TRIOBP: variants seen among roughly 807,000 people sequenced by gnomAD.
TRIOBP encodes the protein TRIO and F-actin binding protein.
TRIOBP carries 169 observed loss-of-function variants against 238.8 expected under a neutral mutation model. The ratio of observed to expected loss-of-function variants is 0.71; its 90% CI spans 0.62 to 0.80. The LOEUF is 0.80. Ranked by LOEUF, TRIOBP falls within the 30% of genes least tolerant of loss-of-function variation. TRIOBP has a pLI of 0.00. For synonymous variants in TRIOBP, 1,150 were observed against 1,274.4 expected (o/e 0.90, Z 2.08); for missense variants, 2,838 against 3,122.6 (o/e 0.91, Z 2.17).
intron 6 of TRIOBP, 126 bp downstream of exon 6, chr22:37,716,060 A>ACTCAG: frequency 1.1e-6 from 1 of 928,050 alleles, no homozygotes; most frequent in Non-Finnish European, 1.7e-6. Flanking sequence ...TAATAGTAAC[A>ACTCAG]GTTTGCATGT....
At chr22:37,701,521 G>A (rs1419099010) in intron 3 of TRIOBP, 42 bp downstream of exon 3, 1 of 1,442,902 alleles carries the variant, frequency 6.9e-7, no homozygotes, top group South Asian at 1.2e-5. Flanking sequence ...TTGTGATGGG[G>A]GCATGGGTGA....
intron 6 of TRIOBP, among the ~76,000 whole-genome samples, chr22:37,719,989 C>CACACTGCACTCACTGTTTCACTCATCCA (rs367687004): frequency 1.4e-5 from 1 of 71,208 alleles, no homozygotes; most frequent in Non-Finnish European, 2.5e-5. Context: ...TTTCACTCAT[C>CACACTGCACTCACTGTTTCACTCATCCA]CCCCCCCGCC....
intron 6 of TRIOBP, among the ~76,000 whole-genome samples, chr22:37,717,033 G>A (rs1378476284): frequency 6.6e-6 from 1 of 152,156 alleles, no homozygotes; most frequent in South Asian, 2.1e-4. Context: ...AGACCCTCGC[G>A]ATATTACAGT....
At chr22:37,756,126 G>A (rs1351947581) in intron 15 of TRIOBP, among the ~76,000 whole-genome samples, 1 of 152,222 alleles carries the variant, frequency 6.6e-6, no homozygotes, top group Non-Finnish European at 1.5e-5. Flanking sequence ...ATGGCGGGCT[G>A]GGACTTGGAG....
rs1168830952 is a variant in TRIOBP at position 37,746,215 on chromosome 22, G to A, written c.5322+5183G>A. The A allele has an allele frequency of 3.9e-5, 38 of 969,410 alleles. No individual in the cohort carries two copies. In the East Asian group the frequency reaches 4.3e-4, roughly 11 times the overall value. The allele number at this position is 969,410 out of a possible 1,614,324, so 60.1% of individuals were successfully genotyped here. ...CCGCTCGGGTCCTCCCAGGAAGTTT[G>A]AAAAAAAAAAAAAAAAAGTTTTATG... On this transcript the variant is annotated intron_variant, in intron 11 of 23. Transcript: ENST00000644935.
intron 3 of TRIOBP, 47 bp downstream of exon 3, chr22:37,701,526 G>A (rs367552546): frequency 3.1e-5 from 43 of 1,397,686 alleles, no homozygotes; most frequent in Non-Finnish European, 4.2e-5. Flanking sequence ...ATGGGGGCAT[G>A]GGTGAAGGAC....
intron 7 of TRIOBP, among the ~76,000 whole-genome samples, 163 bp from the exon 8 acceptor site, chr22:37,733,135 G>C (rs1924503835): frequency 6.6e-6 from 1 of 152,202 alleles, no homozygotes; most frequent in Non-Finnish European, 1.5e-5. Flanking sequence ...TTTTCAGAAG[G>C]GGAAACTAAG....
intron 22 of TRIOBP, 185 bp downstream of exon 22, chr22:37,771,921 G>A (rs1320239623): frequency 2.8e-6 from 2 of 702,516 alleles, no homozygotes. Context: ...TAAGAAAGGG[G>A]AAGTGACTTC....
intron 11 of TRIOBP, chr22:37,746,206 A>C (rs1349013194): frequency 3.0e-6 from 3 of 1,003,194 alleles, no homozygotes; most frequent in Non-Finnish European, 3.5e-6. Flanking sequence ...GGGTCCTCCC[A>C]GGAAGTTTGA....
At chr22:37,705,500 G>A (rs890539144) in intron 3 of TRIOBP, among the ~76,000 whole-genome samples, 10 of 152,028 alleles carry the variant, frequency 6.6e-5, no homozygotes, top group Non-Finnish European at 1.3e-4. Context: ...GAGAATGGGG[G>A]GAGGCCTGGT....
At chr22:37,763,873 G>A (rs1926359042) in intron 17 of TRIOBP, among the ~76,000 whole-genome samples, 1 of 152,236 alleles carries the variant, frequency 6.6e-6, no homozygotes, top group Admixed American at 6.5e-5. Flanking sequence ...GGCGTGGGCA[G>A]GACTGTGTTC....
intron 9 of TRIOBP, among the ~76,000 whole-genome samples, chr22:37,737,753 T>G (rs568975884): frequency 6.6e-6 from 1 of 152,160 alleles, no homozygotes; most frequent in East Asian, 1.9e-4. Context: ...CTGAGCTGGC[T>G]GCAGGGCCTG....
chr22:37,757,228 T>C (rs889183380), intron 15 of TRIOBP, among the ~76,000 whole-genome samples: 4 of 152,078 alleles, frequency 2.6e-5, no homozygotes, highest in African/African-American at 9.7e-5. Flanking sequence ...CTGGGCGTGG[T>C]GGTGCATGTC....
At position 37,724,626 on chromosome 22, in the gene TRIOBP, C is replaced by T. The variant is rs777670124; in HGVS notation, c.2070C>T (p.Thr690=). 8.1e-6 allele frequency: 13 copies of T among 1,607,734 alleles called. No individual in the cohort carries two copies. The South Asian group carries it at 8.8e-5, about 11-fold the overall frequency. Residue 690 remains threonine, a synonymous_variant, in exon 7 of 24, where the codon ACC becomes ACT. Transcript: ENST00000644935. ...DNPRASSPSR[T]IQQENPRTSC... is the part of the protein sequence containing the mutation. ...CCAGAGCCTCCTCTCCCAGCAGAAC[C>T]ATCCAACAAGAGAACCCCAGAACAT...
chr22:37,755,739 A>G, intron 15 of TRIOBP, 80 bp downstream of exon 15: 1 of 1,209,552 alleles, frequency 8.3e-7, no homozygotes, highest in Non-Finnish European at 1.2e-6. Flanking sequence ...TACTCACCTG[A>G]GGGCTGCACC....
At chr22:37,715,595 G>A (rs891711486) in intron 5 of TRIOBP, among the ~76,000 whole-genome samples, 168 bp from the exon 6 acceptor site, 30 of 150,054 alleles carry the variant, frequency 2.0e-4, no homozygotes, top group African/African-American at 3.4e-4. Flanking sequence ...CACCCACCTC[G>A]TCCTCCCAAA....
rs1373895392 is a variant in TRIOBP at position 37,759,424 on chromosome 22, G to A, written c.6324+160G>A. On this transcript the variant is annotated intron_variant, in intron 17 of 23. Transcript: ENST00000644935. ...CATTTACTCTCCCCACAGCTGGTGG[G>A]CGTGATCACTGTGCCCGTTTTACAG... is the stretch of plus-strand genomic sequence containing the variant. 6 of 1,335,382 alleles carry A rather than the reference G, an allele frequency of 4.5e-6. No individual in the cohort carries two copies. The African/African-American group carries it at 5.8e-5, about 13-fold the overall frequency. 82.7% of individuals were successfully genotyped at this position (1,335,382 alleles called of 1,614,324 possible).
At position 37,738,506 on chromosome 22, in the gene TRIOBP, G is replaced by A. The variant is rs950049246; in HGVS notation, c.5107-136G>A. 1.1e-5 allele frequency: 9 copies of A among 805,550 alleles called. No homozygotes were observed. In the African/African-American group the frequency reaches 1.4e-4, roughly 12 times the overall value. The allele number at this position is 805,550 out of a possible 1,614,324, so 49.9% of individuals were successfully genotyped here. ...GTGATAGACACTGGATGGTTGGATGGATACATGGATCTACTGATGCTGGAC... is the reference window on the plus strand; with the variant it reads ...GTGATAGACACTGGATGGTTGGATGAATACATGGATCTACTGATGCTGGAC... On this transcript the variant is annotated intron_variant, in intron 9 of 23. Coordinates refer to ENST00000644935, the MANE Select transcript of TRIOBP (RefSeq NM_001039141.3).
At chr22:37,719,646 C>G (rs1181837887) in intron 6 of TRIOBP, among the ~76,000 whole-genome samples, 1 of 152,048 alleles carries the variant, frequency 6.6e-6, no homozygotes, top group Non-Finnish European at 1.5e-5. Flanking sequence ...AGGCCTTGTG[C>G]TAAATAAATG....
Sources: gnomAD v4.1 joint callset for allele counts (sites outside exome capture counted in the v4.1 genomes callset) on GRCh38, gnomAD v4.1.1 for gene constraint, MANE v1.5 for transcripts, NCBI Gene and HGNC (gene_info 2026-07-23, HGNC 2026-07-21) for gene names.